Variants in NLGN1 observed in about 807,000 individuals in gnomAD.
The protein encoded by NLGN1 is neuroligin 1.
In NLGN1, 12 loss-of-function variants were observed where a neutral mutation model predicts 65.5. The observed-to-expected ratio is 0.18, with a 90% CI of 0.12 to 0.30. NLGN1 has a LOEUF of 0.30. Ranked by LOEUF, NLGN1 falls within the 10% of genes least tolerant of loss-of-function variation. The pLI is 1.00. For missense variants in NLGN1, 750 were observed against 1,007.1 expected, an observed-to-expected ratio of 0.74 and a Z score of 3.46; for synonymous variants, 350 against 359.5, an observed-to-expected ratio of 0.97 and a Z score of 0.30.
Position 174,172,524 on chromosome 3 carries a change from C to A in NLGN1, c.647-102791C>A, listed in dbSNP as rs891987253. 2.6e-5 allele frequency among the ~76,000 whole-genome samples: 4 copies of A among 152,138 alleles called. No individual in the cohort carries two copies. The South Asian group carries it at 8.3e-4, about 31-fold the overall frequency. ...CAAGAGATAGAGGTCTAGTTTTATT[C>A]TTTTGCATATAGGTGTCCAATTTTC... is the stretch of plus-strand genomic sequence containing the variant. On this transcript the variant is annotated intron_variant, in intron 4 of 6. Transcript: ENST00000457714.
At chr3:174,070,077 C>T (rs995313714) in intron 4 of NLGN1, among the ~76,000 whole-genome samples, 4 of 151,968 alleles carry the variant, frequency 2.6e-5, no homozygotes, top group East Asian at 3.9e-4. Context: ...CTTATGGTGA[C>T]GATGTTATAA....
At chr3:173,629,947 A>T (rs1259938445) in intron 3 of NLGN1, among the ~76,000 whole-genome samples, 1 of 152,186 alleles carries the variant, frequency 6.6e-6, no homozygotes, top group African/African-American at 2.4e-5. Context: ...TATGCCAAAA[A>T]TAGAGGAGAA....
At chr3:174,076,679 TAGAGAGAGAGAGAGAGAG>T (rs3979619) in intron 4 of NLGN1, among the ~76,000 whole-genome samples, 5,954 of 92,896 alleles carry the variant, frequency 0.064, 194 homozygotes, top group Non-Finnish European at 0.087. Context: ...TCTGGGACCA[TAGAGAGAGAGAGAGAGAG>T]AGAGAGAGAG....
intron 3 of NLGN1, among the ~76,000 whole-genome samples, chr3:173,661,738 A>G (rs1760957118): frequency 6.6e-6 from 1 of 152,026 alleles, no homozygotes; most frequent in African/African-American, 2.4e-5. Flanking sequence ...ATATGGAATC[A>G]TTAGTAAATA....
chr3:174,045,057 C>G (rs962504911), intron 4 of NLGN1, among the ~76,000 whole-genome samples: 3 of 152,202 alleles, frequency 2.0e-5, no homozygotes, highest in South Asian at 4.1e-4. Flanking sequence ...TGAGAATGGA[C>G]TAATACACCA....
At chr3:173,435,880 G>A (rs546913569) in intron 2 of NLGN1, among the ~76,000 whole-genome samples, 9 of 152,198 alleles carry the variant, frequency 5.9e-5, no homozygotes, top group Admixed American at 1.3e-4. Flanking sequence ...TCTATACGAT[G>A]CATTTAGTCA....
At position 173,816,244 on chromosome 3, in the gene NLGN1, T is replaced by C. The variant is rs564015415; in HGVS notation, c.646+8412T>C. On this transcript the variant is annotated intron_variant, in intron 4 of 6. Transcript: ENST00000457714. ...TGGCCACATTCATTGAAGACTTATATTCCAAAATTTGTTTTAAGCAATTTA... is the reference window on the plus strand; with the variant it reads ...TGGCCACATTCATTGAAGACTTATACTCCAAAATTTGTTTTAAGCAATTTA... 2.8e-4 allele frequency among the ~76,000 whole-genome samples: 42 copies of C among 152,148 alleles called. No individual in the cohort carries two copies. In the South Asian group the frequency reaches 7.0e-3, roughly 26 times the overall value.
intron 3 of NLGN1, among the ~76,000 whole-genome samples, chr3:173,735,705 G>A (rs1773630093): frequency 6.6e-6 from 1 of 151,926 alleles, no homozygotes. Context: ...TTTCACAGGA[G>A]GCTGTGTAAT....
intron 2 of NLGN1, among the ~76,000 whole-genome samples, chr3:173,489,030 AC>A (rs1482990015): frequency 1.5e-5 from 2 of 135,590 alleles, no homozygotes; most frequent in Non-Finnish European, 3.3e-5. Flanking sequence ...TTTCTTCTCA[AC>A]CCCCTGTTCA....
chr3:173,624,397 A>G (rs1754502546), intron 3 of NLGN1, among the ~76,000 whole-genome samples: 3 of 152,044 alleles, frequency 2.0e-5, no homozygotes, highest in East Asian at 1.9e-4. Context: ...AGCTTGTTTC[A>G]TTTGTTGCAA....
At position 173,799,735 on chromosome 3, in the gene NLGN1, T is replaced by C. The variant is rs1163252834; in HGVS notation, c.494-7945T>C. On this transcript the variant is annotated intron_variant, in intron 3 of 6. Transcript: ENST00000457714. Reference sequence around the variant, plus strand: ...AAATATTTGTGTAATGACAAGTAATTTTAAAAAGTCACAGTTTTGAAAAAT... The same window carrying C: ...AAATATTTGTGTAATGACAAGTAATCTTAAAAAGTCACAGTTTTGAAAAAT... 2.6e-5 allele frequency among the ~76,000 whole-genome samples: 4 copies of C among 151,862 alleles called. No individual in the cohort carries two copies. In the East Asian group the frequency reaches 5.8e-4, roughly 22 times the overall value.
At chr3:173,616,517 C>T (rs1004457143) in intron 3 of NLGN1, among the ~76,000 whole-genome samples, 1 of 152,044 alleles carries the variant, frequency 6.6e-6, no homozygotes, top group Non-Finnish European at 1.5e-5. Context: ...AATAACAGGC[C>T]GCTGAAGATG....
chr3:174,181,094 C>A (rs1730327449), intron 4 of NLGN1, among the ~76,000 whole-genome samples: 1 of 152,110 alleles, frequency 6.6e-6, no homozygotes, highest in Non-Finnish European at 1.5e-5. Flanking sequence ...GTACCTTGAT[C>A]TGAAATAACC....
intron 4 of NLGN1, among the ~76,000 whole-genome samples, chr3:174,192,126 A>G (rs527951460): frequency 7.2e-5 from 11 of 152,272 alleles, no homozygotes; most frequent in African/African-American, 2.4e-4. Context: ...GCCAGGGCAG[A>G]TACATGTTTT....
chr3:173,627,866 A>G (rs1438852734), intron 3 of NLGN1, among the ~76,000 whole-genome samples: 1 of 146,442 alleles, frequency 6.8e-6, no homozygotes, highest in African/African-American at 2.5e-5. Context: ...GGCTGTTCAG[A>G]AAAAAAAAAA....
intron 4 of NLGN1, among the ~76,000 whole-genome samples, chr3:173,822,063 C>T (rs1456967589): frequency 6.6e-6 from 1 of 152,056 alleles, no homozygotes; most frequent in Non-Finnish European, 1.5e-5. Flanking sequence ...GACAAGTCTT[C>T]AGAGAAATCA....
At chr3:174,175,069 A>AT (rs1729198797) in intron 4 of NLGN1, among the ~76,000 whole-genome samples, 1 of 152,136 alleles carries the variant, frequency 6.6e-6, no homozygotes, top group Non-Finnish European at 1.5e-5. Context: ...GACTTAACAC[A>AT]TAGTCTATCT....
Position 173,769,966 on chromosome 3 carries a change from T to C in NLGN1, c.494-37714T>C, listed in dbSNP as rs572785792. Among the ~76,000 whole-genome samples the C allele has an allele frequency of 1.2e-3, 181 of 152,278 alleles. 2 individuals are homozygous for C. Among genetic ancestry groups the C allele is most frequent in the African/African-American group, 4.2e-3 (173 of 41,562 alleles). On this transcript the variant is annotated intron_variant, in intron 3 of 6. Coordinates refer to ENST00000457714, the Ensembl canonical transcript of NLGN1. ...TGCTTTATGATTTCTGCATACAGAATCCATAACTTTCAAAGCTCAAGGCAA... is the reference window on the plus strand; with the variant it reads ...TGCTTTATGATTTCTGCATACAGAACCCATAACTTTCAAAGCTCAAGGCAA...
intron 4 of NLGN1, among the ~76,000 whole-genome samples, chr3:173,982,664 A>G (rs978709029): frequency 1.3e-5 from 2 of 152,192 alleles, no homozygotes; most frequent in African/African-American, 4.8e-5. Context: ...CTCTGTGTCA[A>G]TTTCTGAGTC....
Sources: gnomAD v4.1 joint callset for allele counts (sites outside exome capture counted in the v4.1 genomes callset) on GRCh38, gnomAD v4.1.1 for gene constraint, MANE v1.5 for transcripts, NCBI Gene and HGNC (gene_info 2026-07-23, HGNC 2026-07-21) for gene names.